PACS1: variants seen among roughly 807,000 people sequenced by gnomAD.
PACS1 encodes the protein PACS-1.
PACS1 carries 24 observed loss-of-function variants against 115.0 expected under a neutral mutation model. The ratio of observed to expected loss-of-function variants is 0.21; its 90% CI spans 0.15 to 0.29. The LOEUF (loss-of-function observed/expected upper bound fraction) is 0.29, where lower values mean the gene tolerates loss of function less well. Ranked by LOEUF, PACS1 falls within the 10% of genes least tolerant of loss-of-function variation. The pLI is 1.00. For synonymous variants in PACS1, 453 were observed against 504.5 expected (o/e 0.90, Z 1.37); for missense variants, 838 against 1,251.2 (o/e 0.67, Z 4.98).
chr11:66,193,660 A>AC, intron 2 of PACS1, 87 bp downstream of exon 2: 2 of 860,842 alleles, frequency 2.3e-6, no homozygotes, highest in Non-Finnish European at 3.9e-6. Flanking sequence ...CACTACTGGG[A>AC]CCACCTCTGT....
At chr11:66,163,229 A>G (rs1859530878) in intron 1 of PACS1, among the ~76,000 whole-genome samples, 2 of 151,748 alleles carry the variant, frequency 1.3e-5, no homozygotes, top group African/African-American at 4.8e-5. Context: ...GCGTGCCTGT[A>G]GTCTTAGCTG....
chr11:66,168,063 G>A (rs1372769951), intron 1 of PACS1, among the ~76,000 whole-genome samples: 1 of 150,120 alleles, frequency 6.7e-6, no homozygotes, highest in African/African-American at 2.5e-5. Flanking sequence ...ACCATGCCTG[G>A]CTACTTTTTA....
intron 1 of PACS1, among the ~76,000 whole-genome samples, chr11:66,152,127 G>A (rs1590782073): frequency 6.6e-6 from 1 of 152,168 alleles, no homozygotes; most frequent in African/African-American, 2.4e-5. Context: ...CCAGCTACTT[G>A]GGAGGCTGAG....
At chr11:66,241,288 C>G in intron 21 of PACS1, 139 bp from the exon 22 acceptor site, 2 of 612,540 alleles carry the variant, frequency 3.3e-6, no homozygotes, top group Non-Finnish European at 5.7e-6. Context: ...ATGAGCTGCT[C>G]TGTGTGGCTG....
At chr11:66,181,073 C>G (rs1175510790) in intron 1 of PACS1, among the ~76,000 whole-genome samples, 1 of 151,928 alleles carries the variant, frequency 6.6e-6, no homozygotes, top group African/African-American at 2.4e-5. Context: ...AAGGAATGTT[C>G]TGGTCTCTCA....
chr11:66,199,231 C>T lies in PACS1; in HGVS notation c.444+5658C>T, dbSNP rs375985476. ...TTGGGAGGCTAAGGCAGGAGAATGGCGTGAACCCAGGAGTCGGAGCTTGCA... is the reference window on the plus strand; with the variant it reads ...TTGGGAGGCTAAGGCAGGAGAATGGTGTGAACCCAGGAGTCGGAGCTTGCA... On this transcript the variant is annotated intron_variant, in intron 2 of 23. Coordinates refer to ENST00000320580, the MANE Select transcript of PACS1 (RefSeq NM_018026.4). Among the ~76,000 whole-genome samples the T allele has an allele frequency of 4.7e-5, 7 of 149,758 alleles. No individual in the cohort carries two copies. In the East Asian group the frequency reaches 1.0e-3, roughly 22 times the overall value.
At chr11:66,173,143 G>A (rs911733055) in intron 1 of PACS1, among the ~76,000 whole-genome samples, 26 of 147,898 alleles carry the variant, frequency 1.8e-4, no homozygotes, top group African/African-American at 6.5e-4. Context: ...ATGTTGCTCA[G>A]TCTGGTCTTA....
chr11:66,118,481 G>C (rs1858359253), intron 1 of PACS1, among the ~76,000 whole-genome samples: 1 of 152,080 alleles, frequency 6.6e-6, no homozygotes, highest in Admixed American at 6.6e-5. Context: ...ATGTGGTTGT[G>C]TGCACTGGTA....
chr11:66,098,608 AT>A (rs1565105489), intron 1 of PACS1, among the ~76,000 whole-genome samples: 1 of 152,170 alleles, frequency 6.6e-6, no homozygotes, highest in Non-Finnish European at 1.5e-5. Flanking sequence ...ATAAAACCCT[AT>A]TGTCCAATCT....
chr11:66,083,171 A>G (rs1857517171), intron 1 of PACS1, among the ~76,000 whole-genome samples: 1 of 152,230 alleles, frequency 6.6e-6, no homozygotes, highest in Admixed American at 6.5e-5. Context: ...GCTGTGGATG[A>G]AAATGAATAA....
intron 21 of PACS1, 128 bp downstream of exon 21, chr11:66,239,405 C>G: frequency 9.0e-7 from 1 of 1,112,308 alleles, no homozygotes; most frequent in Middle Eastern, 2.9e-4. Context: ...CACCTGTGGT[C>G]CTAGCTACTC....
At chr11:66,194,024 C>G (rs1049057388) in intron 2 of PACS1, among the ~76,000 whole-genome samples, 7 of 152,256 alleles carry the variant, frequency 4.6e-5, no homozygotes, top group African/African-American at 1.7e-4. Flanking sequence ...AGTGCAGTGG[C>G]GCGATCTCGG....
At position 66,235,246 on chromosome 11, in the gene PACS1, C is replaced by T; in HGVS notation, c.2105-55C>T. The T allele has an allele frequency of 7.6e-7, 1 of 1,323,258 alleles. No homozygotes were observed. The highest frequency in any genetic ancestry group is 1.1e-6 in the Non-Finnish European group (1 of 916,140). The allele number at this position is 1,323,258 out of a possible 1,614,324, so 82.0% of individuals were successfully genotyped here. A position where few individuals can be genotyped will look rare whatever the true frequency, so the allele number is the denominator to read the frequency against. On this transcript the variant is annotated intron_variant, in intron 17 of 23. Coordinates refer to ENST00000320580, the MANE Select transcript of PACS1 (RefSeq NM_018026.4). The surrounding 1 kb of genome is among the most constrained non-coding windows in gnomAD (Gnocchi z 5.6). ...AGGGATCCCTCTCCGAGAGGGTCTG[C>T]AGGTTTGCCAGCTGAAGTCAGTAGG...
intron 1 of PACS1, among the ~76,000 whole-genome samples, chr11:66,126,167 G>A (rs1437424065): frequency 2.6e-5 from 4 of 152,086 alleles, no homozygotes; most frequent in Non-Finnish European, 5.9e-5. Context: ...TCTATTTTCT[G>A]ATTTCTATCA....
Position 66,070,949 on chromosome 11 carries a change from C to T in PACS1, c.356+107C>T. 2 of 1,150,746 alleles carry T rather than the reference C, an allele frequency of 1.7e-6. No individual in the cohort carries two copies. Among genetic ancestry groups the T allele is most frequent in the Non-Finnish European group, 2.3e-6 (2 of 882,848 alleles). The allele number at this position is 1,150,746 out of a possible 1,614,324, so 71.3% of individuals were successfully genotyped here. ...GGGTCCCCGCCCTCCATCTCCCCGA[C>T]TGTCCCGCGGCCCGGCCTGGCTCCA... On this transcript the variant is annotated intron_variant, in intron 1 of 23. Transcript: ENST00000320580. This position sits in a 1 kb window ranked among gnomAD's most constrained non-coding sequence, Gnocchi z 5.9.
intron 7 of PACS1, 93 bp downstream of exon 7, chr11:66,216,868 AAAATCAACACAGGGTCATCCC>A: frequency 1.6e-6 from 1 of 632,208 alleles, no homozygotes; most frequent in Admixed American, 2.4e-5. Context: ...GAGACTTCTT[AAAATCAACACAGGGTCATCCC>A]TTCAACGATT....
intron 1 of PACS1, among the ~76,000 whole-genome samples, chr11:66,185,607 C>G (rs1860111080): frequency 6.6e-6 from 1 of 152,140 alleles, no homozygotes; most frequent in Non-Finnish European, 1.5e-5. Flanking sequence ...TGCCATATCC[C>G]CATGCCGGAC....
At chr11:66,109,228 C>T (rs1858129134) in intron 1 of PACS1, among the ~76,000 whole-genome samples, 3 of 152,048 alleles carry the variant, frequency 2.0e-5, no homozygotes, top group Admixed American at 2.0e-4. Context: ...GTGGTGAGTA[C>T]CTGGGGATGG....
chr11:66,094,474 C>T (rs1405486923), intron 1 of PACS1, among the ~76,000 whole-genome samples: 10 of 151,292 alleles, frequency 6.6e-5, no homozygotes, highest in Non-Finnish European at 1.2e-4. Context: ...TCGACACATA[C>T]ACCCTCCCAA....
Sources: gnomAD v4.1 joint callset for allele counts (sites outside exome capture counted in the v4.1 genomes callset) on GRCh38, gnomAD v4.1.1 for gene constraint, Gnocchi (gnomAD v3.1) non-coding constraint, MANE v1.5 for transcripts, NCBI Gene and HGNC (gene_info 2026-07-23, HGNC 2026-07-21) for gene names.